Variants in ANK2 observed in about 807,000 individuals in gnomAD.
ANK2 encodes the protein ankyrin-2.
In ANK2, 83 loss-of-function variants were observed where a neutral mutation model predicts 360.5. That is an observed-to-expected ratio of 0.23 (90% CI 0.19 to 0.28). The LOEUF (loss-of-function observed/expected upper bound fraction) is 0.28, where lower values mean the gene tolerates loss of function less well. Among genes scored for constraint, ANK2 ranks in the 10% least tolerant of loss-of-function variants. The pLI, the probability that ANK2 is intolerant of heterozygous loss-of-function variation, is 1.00. For synonymous variants in ANK2, 1,740 were observed against 1,759.5 expected (o/e 0.99, Z 0.28); for missense variants, 4,201 against 4,795.7 (o/e 0.88, Z 3.66).
chr4:113,128,184 G>A (rs1374514646), intron 1 of ANK2, among the ~76,000 whole-genome samples: 1 of 152,182 alleles, frequency 6.6e-6, no homozygotes, highest in Non-Finnish European at 1.5e-5. Context: ...AGAGAATGAA[G>A]TTTAGAGTTT....
At chr4:112,859,508 G>C (rs1283248269) in intron 1 of ANK2, among the ~76,000 whole-genome samples, 2 of 152,202 alleles carry the variant, frequency 1.3e-5, no homozygotes, top group African/African-American at 4.8e-5. Flanking sequence ...GCTGCCTCCT[G>C]TGTCCAGGAA....
At chr4:112,879,358 G>A (rs2076098147) in intron 1 of ANK2, among the ~76,000 whole-genome samples, 1 of 152,150 alleles carries the variant, frequency 6.6e-6, no homozygotes, top group Non-Finnish European at 1.5e-5. Flanking sequence ...TGTATGACCT[G>A]CACACAGCTC....
At chr4:113,107,639 T>C (rs1261853101) in intron 1 of ANK2, among the ~76,000 whole-genome samples, 1 of 152,228 alleles carries the variant, frequency 6.6e-6, no homozygotes, top group Non-Finnish European at 1.5e-5. Flanking sequence ...AGTCTATCTA[T>C]TTCCAGTCCA....
intron 1 of ANK2, among the ~76,000 whole-genome samples, chr4:112,869,246 G>A (rs915582713): frequency 6.6e-6 from 1 of 151,892 alleles, no homozygotes; most frequent in African/African-American, 2.4e-5. Flanking sequence ...GGGATTACAG[G>A]CATGAGCCAC....
intron 1 of ANK2, among the ~76,000 whole-genome samples, chr4:112,822,519 G>T (rs1362750415): frequency 1.3e-5 from 2 of 151,956 alleles, no homozygotes; most frequent in African/African-American, 4.8e-5. Context: ...GCCGAGGTGG[G>T]CAGATCACTT....
intron 7 of ANK2, among the ~76,000 whole-genome samples, chr4:113,239,464 A>C (rs1294269134): frequency 1.3e-5 from 2 of 152,214 alleles, no homozygotes; most frequent in African/African-American, 4.8e-5. Flanking sequence ...AGCAATACCA[A>C]GTAACCCAAA....
At chr4:113,369,847 G>C (rs1337172641) in intron 43 of ANK2, 42 bp downstream of exon 43, 2 of 1,612,626 alleles carry the variant, frequency 1.2e-6, no homozygotes, top group Non-Finnish European at 8.5e-7. Flanking sequence ...CTGTAACAAA[G>C]CTACAAATCT....
At chr4:113,062,234 T>C (rs1481350461) in intron 1 of ANK2, among the ~76,000 whole-genome samples, 2 of 152,112 alleles carry the variant, frequency 1.3e-5, no homozygotes, top group Non-Finnish European at 2.9e-5. Flanking sequence ...TCAGGATCTA[T>C]TGGCAGTTTT....
intron 2 of ANK2, among the ~76,000 whole-genome samples, chr4:112,912,153 G>C (rs2087788418): frequency 6.6e-6 from 1 of 151,776 alleles, no homozygotes; most frequent in African/African-American, 2.4e-5. Context: ...CTCCAGCCTG[G>C]GTGACAGAGC....
At chr4:113,233,756 G>A (rs1216674048) in intron 5 of ANK2, among the ~76,000 whole-genome samples, 1 of 151,898 alleles carries the variant, frequency 6.6e-6, no homozygotes, top group Non-Finnish European at 1.5e-5. Context: ...CACTATTAAT[G>A]AGACCATGTT....
intron 3 of ANK2, 55 bp downstream of exon 3, chr4:113,196,521 A>T: frequency 7.0e-7 from 1 of 1,420,684 alleles, no homozygotes; most frequent in Non-Finnish European, 9.8e-7. Context: ...AAATAATTTA[A>T]AGCTTTTCAT....
chr4:113,146,407 G>A (rs1211308718), intron 1 of ANK2, among the ~76,000 whole-genome samples: 1 of 152,080 alleles, frequency 6.6e-6, no homozygotes, highest in Non-Finnish European at 1.5e-5. Flanking sequence ...AAGTCACAGA[G>A]CATTTTTTTA....
chr4:112,914,474 T>C (rs923789792), intron 2 of ANK2, among the ~76,000 whole-genome samples: 2 of 151,826 alleles, frequency 1.3e-5, no homozygotes, highest in Non-Finnish European at 2.9e-5. Flanking sequence ...TACAAAAAAA[T>C]TAGCCGGGCG....
intron 2 of ANK2, among the ~76,000 whole-genome samples, chr4:112,931,692 G>C (rs1425439076): frequency 6.6e-6 from 1 of 151,976 alleles, no homozygotes; most frequent in Non-Finnish European, 1.5e-5. Flanking sequence ...TTCCATAAAG[G>C]CTCCTGCCCA....
chr4:113,361,468 A>G (rs1407128331), intron 39 of ANK2, among the ~76,000 whole-genome samples: 5 of 151,750 alleles, frequency 3.3e-5, no homozygotes, highest in Admixed American at 2.0e-4. Context: ...TATGAATTGT[A>G]TGTTTTAAAA....
chr4:113,211,154 C>A (rs2099016681), intron 4 of ANK2, among the ~76,000 whole-genome samples: 1 of 152,126 alleles, frequency 6.6e-6, no homozygotes, highest in Non-Finnish European at 1.5e-5. Context: ...ATAGTCAGAT[C>A]AGAGATTTGG....
chr4:112,826,950 AC>A, intron 1 of ANK2: 1 of 1,537,702 alleles, frequency 6.5e-7, no homozygotes, highest in Non-Finnish European at 9.0e-7. Context: ...ATTGGTTGGC[AC>A]ACTCATTCAG....
At chr4:112,945,407 G>C (rs1033864979) in intron 2 of ANK2, among the ~76,000 whole-genome samples, 1 of 152,144 alleles carries the variant, frequency 6.6e-6, no homozygotes, top group Non-Finnish European at 1.5e-5. Flanking sequence ...GATTTTAAAA[G>C]TAATAATTAG....
intron 1 of ANK2, among the ~76,000 whole-genome samples, chr4:113,085,722 G>A (rs2084390144): frequency 6.6e-6 from 1 of 152,226 alleles, no homozygotes; most frequent in South Asian, 2.1e-4. Flanking sequence ...CTGTTAGAGA[G>A]TGGCTGGCTG....
Sources: gnomAD v4.1 joint callset for allele counts (sites outside exome capture counted in the v4.1 genomes callset) on GRCh38, gnomAD v4.1.1 for gene constraint, MANE v1.5 for transcripts, NCBI Gene and HGNC (gene_info 2026-07-23, HGNC 2026-07-21) for gene names.